Variants in EML6 observed in about 807,000 individuals in gnomAD.
EML6 encodes the protein EMAP like 6.
In EML6, 154 loss-of-function variants were observed where a neutral mutation model predicts 240.1. The observed-to-expected ratio is 0.64, with a 90% CI of 0.56 to 0.73. The LOEUF is 0.73. Among genes scored for constraint, EML6 ranks in the 30% least tolerant of loss-of-function variants. The pLI, the probability that EML6 is intolerant of heterozygous loss-of-function variation, is 0.00. For missense variants in EML6, 2,964 were observed against 2,474.6 expected (o/e 1.20, Z -4.20); for synonymous variants, 1,148 against 899.0 (o/e 1.28, Z -4.95).
chr2:54,882,873 A>AAAAAAAAAAAAAAAAAAGAG (rs796515025), intron 17 of EML6: 5 of 112,402 alleles, frequency 4.4e-5, no homozygotes, highest in African/African-American at 1.8e-4. Context: ...AAAAAAAAAA[A>AAAAAAAAAAAAAAAAAAGAG]AGAAAGCTTA....
intron 32 of EML6, among the ~76,000 whole-genome samples, chr2:54,955,874 T>C (rs1676209165): frequency 6.6e-6 from 1 of 152,212 alleles, no homozygotes; most frequent in African/African-American, 2.4e-5. Context: ...TTCTCCTCCC[T>C]TCCTTCTCCA....
chr2:54,937,453 T>G (rs1197915431), intron 28 of EML6, among the ~76,000 whole-genome samples: 1 of 145,328 alleles, frequency 6.9e-6, no homozygotes, highest in Non-Finnish European at 1.5e-5. Flanking sequence ...CTTGGGAGGC[T>G]GAGATAAAAG....
At chr2:54,874,724 G>C (rs1384133781) in intron 16 of EML6, among the ~76,000 whole-genome samples, 1 of 152,156 alleles carries the variant, frequency 6.6e-6, no homozygotes, top group African/African-American at 2.4e-5. Context: ...TTGGGGTGAG[G>C]GTGTGGGGAC....
chr2:54,867,048 G>A, intron 14 of EML6, 164 bp downstream of exon 14: 2 of 499,702 alleles, frequency 4.0e-6, no homozygotes, highest in Non-Finnish European at 7.4e-6. Flanking sequence ...TATTTTAAGT[G>A]TGACTCTCTA....
intron 3 of EML6, among the ~76,000 whole-genome samples, chr2:54,813,874 C>G (rs534341914): frequency 2.0e-5 from 3 of 152,222 alleles, no homozygotes; most frequent in Non-Finnish European, 2.9e-5. Context: ...CCTGTCCTCT[C>G]CCAATTCAGT....
chr2:54,924,970 T>A (rs1041243244), intron 26 of EML6, among the ~76,000 whole-genome samples: 4 of 152,254 alleles, frequency 2.6e-5, no homozygotes, highest in African/African-American at 9.6e-5. Flanking sequence ...GTCTAACTGC[T>A]ATCACTCTGT....
chr2:54,789,355 T>C (rs1411937396), intron 2 of EML6, among the ~76,000 whole-genome samples: 1 of 149,318 alleles, frequency 6.7e-6, no homozygotes, highest in Non-Finnish European at 1.5e-5. Context: ...CTACTAAAAA[T>C]ACAAAAAAAT....
At chr2:54,761,296 CTTTG>C (rs1027705080) in intron 2 of EML6, among the ~76,000 whole-genome samples, 4 of 151,652 alleles carry the variant, frequency 2.6e-5, no homozygotes, top group Non-Finnish European at 4.4e-5. Context: ...AAACAATACG[CTTTG>C]TTTCTTTTTT....
Position 54,952,591 on chromosome 2 carries a change from C to T in EML6, c.4214-3C>T, listed in dbSNP as rs1166191343. 7.1e-6 allele frequency: 11 copies of T among 1,547,874 alleles called. No individual in the cohort carries two copies. Among genetic ancestry groups the T allele is most frequent in the African/African-American group, 1.4e-5 (1 of 73,080 alleles). On this transcript the variant is annotated splice_polypyrimidine_tract_variant and splice_region_variant and intron_variant, in intron 30 of 41. Transcript: ENST00000356458. ...TCACCCTCCCATGATCTCTCTCCCC[C>T]AGGGAGCCAGAGCTTCTATCTGGAG...
At chr2:54,802,662 A>ACTACTACTACTACTG (rs1199239601) in intron 2 of EML6, among the ~76,000 whole-genome samples, 10 of 145,682 alleles carry the variant, frequency 6.9e-5, no homozygotes, top group African/African-American at 2.4e-4. Context: ...TACTACTACT[A>ACTACTACTACTACTG]CTACTGCTAC....
intron 5 of EML6, among the ~76,000 whole-genome samples, chr2:54,820,886 G>A (rs967152812): frequency 6.6e-6 from 1 of 152,068 alleles, no homozygotes; most frequent in African/African-American, 2.4e-5. Context: ...GCTCTACATG[G>A]AAATAGAGGA....
Position 54,807,420 on chromosome 2 carries a change from C to T in EML6, c.198-5812C>T, listed in dbSNP as rs112963130. ...ACAATGTAACAGCTACAGAGTGACACGCTTTTATGTTTATTCTGCATTATC... is the reference window on the plus strand; with the variant it reads ...ACAATGTAACAGCTACAGAGTGACATGCTTTTATGTTTATTCTGCATTATC... On this transcript the variant is annotated intron_variant, in intron 2 of 41. Coordinates refer to ENST00000356458, the MANE Select transcript of EML6 (RefSeq NM_001039753.4). Among the ~76,000 whole-genome samples the T allele has an allele frequency of 5.0e-3, 754 of 152,274 alleles. 8 individuals are homozygous for T. The highest frequency in any genetic ancestry group is 0.018 in the African/African-American group (729 of 41,554).
chr2:54,916,818 C>G lies in EML6; in HGVS notation c.3558C>G (p.Ile1186Met), dbSNP rs1165938029. Reference protein sequence around the residue: ...TCVLGPTCEGIWPAHSDITDV... With the variant: ...TCVLGPTCEGMWPAHSDITDV... ...TCCTGGGGCCCACCTGTGAGGGAAT[C>G]TGGCCAGCACATAGCGATATAACTG... Residue 1186 changes from isoleucine to methionine, a missense_variant, in exon 26 of 42, where the codon ATC becomes ATG. Ile to Met is a conservative substitution (Grantham distance 10). Transcript: ENST00000356458. The G allele has an allele frequency of 3.9e-6, 6 of 1,546,102 alleles. No homozygotes were observed. The highest frequency in any genetic ancestry group is 2.4e-5 in the South Asian group (2 of 83,348).
chr2:54,780,871 T>C (rs1668827509), intron 2 of EML6, among the ~76,000 whole-genome samples: 1 of 152,242 alleles, frequency 6.6e-6, no homozygotes, highest in South Asian at 2.1e-4. Context: ...TGGTTCATTC[T>C]TGCCTCTAAG....
chr2:54,735,830 ATTGTAAGG>A (rs1298157264), intron 2 of EML6, among the ~76,000 whole-genome samples: 1 of 152,226 alleles, frequency 6.6e-6, no homozygotes, highest in Non-Finnish European at 1.5e-5. Flanking sequence ...GTCTGCAGAG[ATTGTAAGG>A]CAGCATCTGC....
intron 2 of EML6, among the ~76,000 whole-genome samples, chr2:54,811,829 A>G (rs1222178036): frequency 6.6e-6 from 1 of 152,190 alleles, no homozygotes; most frequent in Non-Finnish European, 1.5e-5. Flanking sequence ...TCTTATTGAT[A>G]ATCTCTCACC....
At chr2:54,742,654 A>T (rs1558519421) in intron 2 of EML6, among the ~76,000 whole-genome samples, 1 of 152,188 alleles carries the variant, frequency 6.6e-6, no homozygotes, top group Non-Finnish European at 1.5e-5. Flanking sequence ...AGTGCCAGTC[A>T]CACCTAGGTT....
chr2:54,754,781 A>T (rs1341843845), intron 2 of EML6, among the ~76,000 whole-genome samples: 1 of 152,152 alleles, frequency 6.6e-6, no homozygotes. Flanking sequence ...AGATTTTCCT[A>T]TGTAATCTTC....
chr2:54,753,314 G>A (rs1330349212), intron 2 of EML6, among the ~76,000 whole-genome samples: 3 of 152,072 alleles, frequency 2.0e-5, no homozygotes, highest in South Asian at 2.1e-4. Flanking sequence ...AAGATATATC[G>A]ATGTCCTGAT....
Sources: allele counts gnomAD v4.1 joint callset (sites outside exome capture counted in the v4.1 genomes callset), GRCh38; gene constraint gnomAD v4.1.1; transcripts MANE v1.5; gene names NCBI Gene and HGNC (gene_info 2026-07-23, HGNC 2026-07-21).